Variants in MED27 observed in about 807,000 individuals in gnomAD.
MED27 encodes the protein mediator of RNA polymerase II transcription subunit 27.
Under a neutral mutation model 38.2 loss-of-function variants are expected in MED27, and 30 were observed. The ratio of observed to expected loss-of-function variants is 0.79; its 90% CI spans 0.59 to 1.07. The LOEUF (loss-of-function observed/expected upper bound fraction) is 1.07. Ranked by LOEUF, MED27 falls within the 50% of genes least tolerant of loss-of-function variation. The pLI is 0.00. For missense variants in MED27, 289 were observed against 397.5 expected (o/e 0.73, Z 2.32); for synonymous variants, 122 against 153.5 (o/e 0.79, Z 1.52).
At chr9:132,049,200 C>T (rs972515788) in intron 2 of MED27, among the ~76,000 whole-genome samples, 1 of 152,186 alleles carries the variant, frequency 6.6e-6, no homozygotes, top group African/African-American at 2.4e-5. Context: ...ATTGATTTTA[C>T]TTGCAAGAAA....
intron 2 of MED27, among the ~76,000 whole-genome samples, chr9:132,068,076 G>A (rs1260575339): frequency 1.3e-5 from 2 of 152,044 alleles, no homozygotes; most frequent in East Asian, 1.9e-4. Context: ...TCTTCCCCCC[G>A]CAAAAAGGGG....
intron 6 of MED27, among the ~76,000 whole-genome samples, chr9:131,875,153 C>T (rs1353049635): frequency 6.6e-6 from 1 of 152,162 alleles, no homozygotes. Flanking sequence ...GCCACTGGCC[C>T]TCCCAGGACC....
intron 3 of MED27, among the ~76,000 whole-genome samples, chr9:132,005,257 C>T (rs528384596): frequency 1.2e-4 from 18 of 152,286 alleles, no homozygotes; most frequent in Admixed American, 1.0e-3. Flanking sequence ...AAGATGATCC[C>T]ATACCCTTGG....
At chr9:131,912,105 C>T (rs1414880433) in intron 4 of MED27, among the ~76,000 whole-genome samples, 1 of 152,176 alleles carries the variant, frequency 6.6e-6, no homozygotes, top group African/African-American at 2.4e-5. Flanking sequence ...AACCAAGAGA[C>T]CAATTAGATT....
chr9:131,996,299 G>T, intron 3 of MED27, among the ~76,000 whole-genome samples: 1 of 152,188 alleles, frequency 6.6e-6, no homozygotes, highest in East Asian at 1.9e-4. Context: ...AGCAACTCTG[G>T]CCTGAGAAAG....
At chr9:131,970,439 A>G (rs1294325441) in intron 3 of MED27, among the ~76,000 whole-genome samples, 1 of 152,210 alleles carries the variant, frequency 6.6e-6, no homozygotes, top group Non-Finnish European at 1.5e-5. Flanking sequence ...TCCACGGAAG[A>G]GCCCTCCACG....
chr9:131,955,506 C>T (rs1831078350), intron 3 of MED27, among the ~76,000 whole-genome samples: 2 of 152,074 alleles, frequency 1.3e-5, no homozygotes, highest in Non-Finnish European at 2.9e-5. Flanking sequence ...ACTGAGAAGT[C>T]GCTAGTTAGA....
At chr9:131,952,860 T>C (rs1010783059) in intron 3 of MED27, among the ~76,000 whole-genome samples, 1 of 152,242 alleles carries the variant, frequency 6.6e-6, no homozygotes, top group East Asian at 1.9e-4. Context: ...GGGTTCCTTA[T>C]ACCCTGCCCA....
chr9:131,980,836 C>T (rs557553706), intron 3 of MED27, among the ~76,000 whole-genome samples: 103 of 152,172 alleles, frequency 6.8e-4, no homozygotes, highest in Middle Eastern at 3.4e-3. Context: ...TCTGACACTT[C>T]CCGCAGCAGA....
At chr9:131,867,782 C>T (rs1010717568) in intron 6 of MED27, among the ~76,000 whole-genome samples, 7 of 152,216 alleles carry the variant, frequency 4.6e-5, no homozygotes, top group Non-Finnish European at 1.0e-4. Flanking sequence ...CATGAGAATG[C>T]GAGGCTGGTG....
chr9:131,869,269 C>T, intron 6 of MED27: 1 of 985,416 alleles, frequency 1.0e-6, no homozygotes, highest in Non-Finnish European at 1.2e-6. Flanking sequence ...GAGAACTTCA[C>T]CTACAGTGAT....
chr9:131,886,314 G>A (rs373407343), intron 5 of MED27, among the ~76,000 whole-genome samples: 10 of 152,302 alleles, frequency 6.6e-5, no homozygotes, highest in Middle Eastern at 6.8e-3. Flanking sequence ...CTGTACTTCC[G>A]CAGGAGAGGA....
At chr9:131,910,596 G>C (rs1202486792) in intron 4 of MED27, among the ~76,000 whole-genome samples, 1 of 152,152 alleles carries the variant, frequency 6.6e-6, no homozygotes, top group East Asian at 1.9e-4. Context: ...ACTTTGCATG[G>C]CTTTTTCAGC....
chr9:132,013,697 T>C (rs1832532098), intron 3 of MED27, among the ~76,000 whole-genome samples: 1 of 152,194 alleles, frequency 6.6e-6, no homozygotes, highest in African/African-American at 2.4e-5. Flanking sequence ...GTCTCATTTA[T>C]AAAATAAGGA....
chr9:131,960,407 TGTGTGCGCTCG>T (rs1831191190), intron 3 of MED27, among the ~76,000 whole-genome samples: 1 of 152,190 alleles, frequency 6.6e-6, no homozygotes, highest in Non-Finnish European at 1.5e-5. Context: ...GTGGGGTGTG[TGTGTGCGCTCG>T]TGCACACAAG....
rs1016016356 is a variant in MED27, at chr9:131,862,491, G to A, written c.801+572C>T. Among the ~76,000 whole-genome samples the A allele has an allele frequency of 1.3e-5, 2 of 152,194 alleles. No homozygotes were observed. Among genetic ancestry groups the A allele is most frequent in the Non-Finnish European group, 2.9e-5 (2 of 68,034 alleles). On this transcript the variant is annotated intron_variant, in intron 7 of 7. Transcript: ENST00000292035. This position sits in a 1 kb window ranked among gnomAD's most constrained non-coding sequence, Gnocchi z 4.6. ...TGATAAACTGGCCCTGGGGTTCGGG[G>A]GAAGTCCTGACTTGCAGTGTTTGCC...
chr9:132,011,907 T>C (rs1424208690), intron 3 of MED27, among the ~76,000 whole-genome samples: 1 of 151,954 alleles, frequency 6.6e-6, no homozygotes, highest in Non-Finnish European at 1.5e-5. Flanking sequence ...TTTTGAGTGA[T>C]TTATTATAAA....
At chr9:131,952,747 T>A (rs1388435083) in intron 3 of MED27, among the ~76,000 whole-genome samples, 1 of 152,202 alleles carries the variant, frequency 6.6e-6, no homozygotes, top group East Asian at 1.9e-4. Context: ...GCTCTCTCTC[T>A]CACTCTGGGC....
intron 5 of MED27, among the ~76,000 whole-genome samples, chr9:131,887,820 G>A (rs534572983): frequency 1.2e-4 from 18 of 152,322 alleles, no homozygotes; most frequent in African/African-American, 4.3e-4. Context: ...AAACACAAAA[G>A]TCAACCTTGT....
Sources: allele counts gnomAD v4.1 joint callset (sites outside exome capture counted in the v4.1 genomes callset), GRCh38; gene constraint gnomAD v4.1.1; non-coding constraint Gnocchi (gnomAD v3.1); transcripts MANE v1.5; gene names NCBI Gene and HGNC (gene_info 2026-07-23, HGNC 2026-07-21).